The following CCDC106 variants were observed in gnomAD, a reference collection of about 807,000 sequenced individuals.
The protein encoded by CCDC106 is coiled-coil domain-containing protein 106.
In CCDC106, 17 loss-of-function variants were observed where a neutral mutation model predicts 24.7. The ratio of observed to expected loss-of-function variants is 0.69; its 90% CI spans 0.47 to 1.03. The LOEUF is 1.03. CCDC106 is among the 50% of genes least tolerant of loss of function. The probability of loss-of-function intolerance (pLI) is 0.00; values close to 1 mark genes in which losing one functional copy is unlikely to be tolerated. For missense variants in CCDC106, 337 were observed against 388.9 expected, an observed-to-expected ratio of 0.87 and a Z score of 1.12; for synonymous variants, 211 against 161.3, an observed-to-expected ratio of 1.31 and a Z score of -2.34.
Position 55,649,144 on chromosome 19 carries a change from G to A in CCDC106, c.32-61G>A, listed in dbSNP as rs1043205387. The stretch of plus-strand genomic sequence containing the variant: ...CGGTCGGCTCCAGGCTGCCGTGGTT[G>A]GGGGGTGGCCTGAGAGGCCCGGGGA... On this transcript the variant is annotated intron_variant, in intron 1 of 4. Transcript: ENST00000586790. The A allele has an allele frequency of 5.0e-6, 8 of 1,607,712 alleles. No individual in the cohort carries two copies. The African/African-American group carries it at 9.4e-5, about 19-fold the overall frequency.
At position 55,649,083 on chromosome 19, in the gene CCDC106, G is replaced by A. The variant is rs1178949292; in HGVS notation, c.31+6G>A. 5.0e-6 allele frequency: 8 copies of A among 1,613,894 alleles called. No homozygotes were observed. In the Admixed American group the frequency reaches 1.0e-4, roughly 20 times the overall value. ...GAGCAGTCGGAGGCGGACAAGTGAG[G>A]AAGCTGGGTCCCCTTCCCTACCCTG... On this transcript the variant is annotated splice_donor_region_variant and intron_variant, in intron 1 of 4. Transcript: ENST00000586790.
In CCDC106 at chr19:55,648,535, T is replaced by C. The variant is rs1016878019; in HGVS notation, c.-512T>C. The C allele has an allele frequency of 2.6e-5, 4 of 156,004 alleles. No individual in the cohort carries two copies. The highest frequency in any genetic ancestry group is 4.9e-5 in the African/African-American group (2 of 40,756). The allele number at this position is 156,004 out of a possible 1,614,324, so 9.7% of individuals were successfully genotyped here. A position where few individuals can be genotyped will look rare whatever the true frequency, so the allele number is the denominator to read the frequency against. On this transcript the variant is annotated 5_prime_UTR_variant, in exon 1 of 5. Transcript: ENST00000586790. ...CGCCCACGCGAGTGCGGGGGAGGGG[T>C]GTGGGGGCCCCGAAGGTAGAGGAGG...
At position 55,648,905 on chromosome 19, in the gene CCDC106, C is replaced by T; in HGVS notation, c.-142C>T. ...TCCCTCCTCCCTCAGACCAGGGGTC[C>T]AGGCCAGAAGGTCCCTCCTGTCTCA... On this transcript the variant is annotated 5_prime_UTR_variant, in exon 1 of 5. Coordinates refer to ENST00000586790, the MANE Select transcript of CCDC106 (RefSeq NM_001370470.1). The T allele has an allele frequency of 1.2e-6, 1 of 835,764 alleles. No individual in the cohort carries two copies. The highest frequency in any genetic ancestry group is 2.0e-6 in the Non-Finnish European group (1 of 499,480). 51.8% of individuals were successfully genotyped at this position (835,764 alleles called of 1,614,324 possible).
At chr19:55,651,765 C>A (rs957113086) in intron 4 of CCDC106, among the ~76,000 whole-genome samples, 1 of 152,070 alleles carries the variant, frequency 6.6e-6, no homozygotes, top group Non-Finnish European at 1.5e-5. Flanking sequence ...GGGTCCACGC[C>A]ATTCTCCTGC....
At chr19:55,647,672 T>C (rs1411447207), upstream of CCDC106, among the ~76,000 whole-genome samples, 1 of 151,968 alleles carries the variant, frequency 6.6e-6, no homozygotes, top group African/African-American at 2.4e-5. Context: ...GGGATGGGGG[T>C]GGCGTGTTCC....
chr19:55,649,314 G>T lies in CCDC106; in HGVS notation c.136+5G>T. Reference sequence around the variant, plus strand: ...CCTCTCGGAGAAACTTCGAGGGTGAGCTGAGGGGGTGTGGAGGGACTGGAG... The same window carrying T: ...CCTCTCGGAGAAACTTCGAGGGTGATCTGAGGGGGTGTGGAGGGACTGGAG... On this transcript the variant is annotated splice_donor_5th_base_variant and intron_variant, in intron 2 of 4. Coordinates refer to ENST00000586790, the MANE Select transcript of CCDC106 (RefSeq NM_001370470.1). The T allele has an allele frequency of 6.2e-7, 1 of 1,613,664 alleles. No homozygotes were observed.
At position 55,649,414 on chromosome 19, in the gene CCDC106, C is replaced by T. The variant is rs1983088378; in HGVS notation, c.143C>T (p.Pro48Leu). ...ACCCTCGCTGTGTCCCTAGAGCCTC[C>T]GGAGGCTGCGTCCTCCGCCCTGGCT... ...SPSRRNFEEPPEAASSALALM... is the reference protein window; with the variant it reads ...SPSRRNFEEPLEAASSALALM... Residue 48 changes from proline (P) to leucine (L), a missense_variant, in exon 3 of 5, where the codon CCG (proline) becomes CTG (leucine). Transcript: ENST00000586790. 1.9e-6 allele frequency: 3 copies of T among 1,613,932 alleles called. No homozygotes were observed. Among genetic ancestry groups the T allele is most frequent in the South Asian group, 1.1e-5 (1 of 91,074 alleles).
Position 55,652,185 on chromosome 19 carries a change from A to G in CCDC106, c.527-245A>G, listed in dbSNP as rs1983343355. Among the ~76,000 whole-genome samples, 1 of 151,506 alleles carries G rather than the reference A, an allele frequency of 6.6e-6. No homozygotes were observed. The highest frequency in any genetic ancestry group is 1.5e-5 in the Non-Finnish European group (1 of 67,866). The stretch of plus-strand genomic sequence containing the variant: ...TGGGTTGAACCCGGCCTCTTGGCTC[A>G]TTTTGTCTCCTCACTCTCCTTCCTG... On this transcript the variant is annotated intron_variant, in intron 4 of 4. Coordinates refer to ENST00000586790, the MANE Select transcript of CCDC106 (RefSeq NM_001370470.1). The surrounding 1 kb of genome is among the most constrained non-coding windows in gnomAD (Gnocchi z 5.9).
chr19:55,650,627 C>T (rs1020340601), intron 3 of CCDC106, among the ~76,000 whole-genome samples: 2 of 152,200 alleles, frequency 1.3e-5, no homozygotes, highest in African/African-American at 4.8e-5. Flanking sequence ...TCCCTCTGCT[C>T]GGGAACAAAC....
Position 55,651,383 on chromosome 19 carries a change from C to A in CCDC106, c.414C>A (p.Ser138=), listed in dbSNP as rs771983589. Residue 138 remains serine (S), a synonymous_variant, in exon 4 of 5, where the codon TCC becomes TCA. Transcript: ENST00000586790. ...CGGACCCTGAGTCAGCAGCCTCCTC[C>A]CTCAGCGGAGCGTCCGAAGAAGGCA... ...EASDPESAAS[S]LSGASEEGSA... 2 of 1,612,162 alleles carry A rather than the reference C, an allele frequency of 1.2e-6. No homozygotes were observed. The highest frequency in any genetic ancestry group is 8.5e-7 in the Non-Finnish European group (1 of 1,179,258).
intron 3 of CCDC106, among the ~76,000 whole-genome samples, chr19:55,650,782 C>T (rs748424814): frequency 6.6e-6 from 1 of 152,212 alleles, no homozygotes; most frequent in African/African-American, 2.4e-5. Context: ...CCTCCCCTAA[C>T]CCGCCTTCTA....
intron 3 of CCDC106, 121 bp downstream of exon 3, chr19:55,649,705 G>C: frequency 1.1e-6 from 1 of 905,892 alleles, no homozygotes; most frequent in Non-Finnish European, 1.7e-6. Context: ...GGCCCTATCT[G>C]CTAGTCCCCT....
Position 55,648,335 on chromosome 19 carries a change from T to C in CCDC106, c.-712T>C, listed in dbSNP as rs1407893310. On this transcript the variant is annotated 5_prime_UTR_variant, in exon 1 of 5. The change abolishes an upstream ATG in the 5' untranslated region. Transcript: ENST00000586790. ...ACCCCGGGCACCCGCGGGCGGGGGA[T>C]GGTGGCCGCGTTTGCACCCCCGCCC... The C allele has an allele frequency of 6.6e-6, 1 of 151,772 alleles. No individual in the cohort carries two copies. The highest frequency in any genetic ancestry group is 2.4e-5 in the African/African-American group (1 of 41,320). 9.4% of individuals were successfully genotyped at this position (151,772 alleles called of 1,614,324 possible).
chr19:55,651,017 C>T (rs976711862), intron 3 of CCDC106, among the ~76,000 whole-genome samples: 1 of 152,202 alleles, frequency 6.6e-6, no homozygotes, highest in Non-Finnish European at 1.5e-5. Flanking sequence ...TCACAGGGGT[C>T]CTGAGGCCCC....
chr19:55,648,888 C>G lies in CCDC106; in HGVS notation c.-159C>G, dbSNP rs1290357130. On this transcript the variant is annotated 5_prime_UTR_variant, in exon 1 of 5. Transcript: ENST00000586790. The stretch of plus-strand genomic sequence containing the variant: ...AGTCCTGGGGTCCAGGCTCCCTCCT[C>G]CCTCAGACCAGGGGTCCAGGCCAGA... 2.4e-5 allele frequency: 18 copies of G among 748,774 alleles called. No homozygotes were observed. Among genetic ancestry groups the G allele is most frequent in the Non-Finnish European group, 3.7e-5 (16 of 433,170 alleles). 46.4% of individuals were successfully genotyped at this position (748,774 alleles called of 1,614,324 possible). A position where few individuals can be genotyped will look rare whatever the true frequency, so the allele number is the denominator to read the frequency against.
chr19:55,652,877 C>A lies in CCDC106; in HGVS notation c.*131C>A. The A allele has an allele frequency of 1.2e-6, 1 of 814,334 alleles. No homozygotes were observed. Among genetic ancestry groups the A allele is most frequent in the Non-Finnish European group, 1.9e-6 (1 of 532,008 alleles). 50.4% of individuals were successfully genotyped at this position (814,334 alleles called of 1,614,324 possible). ...TGGGTTGGGGGCTCCCTTAGCCGGG[C>A]CCCCAAGCGCGACGGCCCCGGACCG... On this transcript the variant is annotated 3_prime_UTR_variant, in exon 5 of 5. Coordinates refer to ENST00000586790, the MANE Select transcript of CCDC106 (RefSeq NM_001370470.1). This position sits in a 1 kb window ranked among gnomAD's most constrained non-coding sequence, Gnocchi z 5.9.
Position 55,652,773 on chromosome 19 carries a change from C to A in CCDC106, c.*27C>A. On this transcript the variant is annotated 3_prime_UTR_variant, in exon 5 of 5. Transcript: ENST00000586790. This position sits in a 1 kb window ranked among gnomAD's most constrained non-coding sequence, Gnocchi z 5.9. ...CGCACCACGCCTCCGCGCCTCCACC[C>A]GGGCCTTCCTCCCCCGTGGACCCCG... 1 of 1,576,638 alleles carries A rather than the reference C, an allele frequency of 6.3e-7. No individual in the cohort carries two copies. The highest frequency in any genetic ancestry group is 1.1e-5 in the South Asian group (1 of 88,244).
At chr19:55,650,060 CT>C (rs1424829366) in intron 3 of CCDC106, among the ~76,000 whole-genome samples, 2 of 152,196 alleles carry the variant, frequency 1.3e-5, no homozygotes, top group Admixed American at 6.5e-5. Context: ...CTGTCCCCCC[CT>C]CCCCTCTGTG....
At chr19:55,649,107 T>C in intron 1 of CCDC106, 30 bp downstream of exon 1, 10 of 1,613,680 alleles carry the variant, frequency 6.2e-6, no homozygotes, top group African/African-American at 1.3e-5. Flanking sequence ...TTCCCTACCC[T>C]GGGTCCCAGT....
Sources: allele counts gnomAD v4.1 joint callset (sites outside exome capture counted in the v4.1 genomes callset), GRCh38; gene constraint gnomAD v4.1.1; non-coding constraint Gnocchi (gnomAD v3.1); transcripts MANE v1.5; gene names NCBI Gene and HGNC (gene_info 2026-07-23, HGNC 2026-07-21).